The following WDPCP variants were observed in gnomAD, a reference collection of about 807,000 sequenced individuals.
The protein encoded by WDPCP is WD repeat containing planar cell polarity effector, also known as WD repeat-containing and planar cell polarity effector protein fritz homolog.
Under a neutral mutation model 93.1 loss-of-function variants are expected in WDPCP, and 71 were observed. That is an observed-to-expected ratio of 0.76 (90% CI 0.63 to 0.93). The LOEUF is 0.93. WDPCP is among the 40% of genes least tolerant of loss of function. The probability of loss-of-function intolerance (pLI) is 0.00; values close to 1 mark genes in which losing one functional copy is unlikely to be tolerated. For synonymous variants in WDPCP, 315 were observed against 315.0 expected (o/e 1.00, Z 0.00); for missense variants, 844 against 887.4 (o/e 0.95, Z 0.62).
chr2:63,218,693 C>T (rs988083523), intron 14 of WDPCP, among the ~76,000 whole-genome samples: 1 of 149,102 alleles, frequency 6.7e-6, no homozygotes, highest in African/African-American at 2.6e-5. Context: ...CTACGCCCAG[C>T]TAATTTTTGT....
chr2:63,545,323 A>ATG (rs566595637), intron 1 of WDPCP, among the ~76,000 whole-genome samples: 29 of 148,346 alleles, frequency 2.0e-4, no homozygotes, highest in East Asian at 4.0e-4. Flanking sequence ...ATGTGTGTGT[A>ATG]TGTGTGTGTG....
At chr2:63,250,974 G>C (rs1249868502) in intron 14 of WDPCP, among the ~76,000 whole-genome samples, 2 of 152,016 alleles carry the variant, frequency 1.3e-5, no homozygotes. Context: ...ATACAAAAAA[G>C]ATCTCTCCAA....
intron 2 of WDPCP, among the ~76,000 whole-genome samples, chr2:63,734,399 G>A (rs116675975): frequency 0.018 from 2,665 of 152,152 alleles, 32 homozygotes; most frequent in Middle Eastern, 0.044. Flanking sequence ...TGCATATAAT[G>A]TCTATATAAT....
intron 1 of WDPCP, among the ~76,000 whole-genome samples, chr2:63,559,668 T>C (rs1706438229): frequency 6.6e-6 from 1 of 152,132 alleles, no homozygotes; most frequent in South Asian, 2.1e-4. Context: ...GAACTCCCAT[T>C]CACAACTGCT....
At chr2:63,239,328 C>T (rs17432775) in intron 14 of WDPCP, among the ~76,000 whole-genome samples, 23,144 of 152,110 alleles carry the variant, frequency 0.15, 2,218 homozygotes, top group Non-Finnish European at 0.22. Flanking sequence ...ATTTCATTTT[C>T]TTTAAGCCTT....
At chr2:63,779,192 T>C (rs1670352291) in intron 2 of WDPCP, among the ~76,000 whole-genome samples, 2 of 152,212 alleles carry the variant, frequency 1.3e-5, no homozygotes, top group South Asian at 4.1e-4. Flanking sequence ...CAAAATACTT[T>C]TAGATAAATC....
intron 13 of WDPCP, among the ~76,000 whole-genome samples, chr2:63,287,818 A>G (rs1344543587): frequency 1.3e-5 from 2 of 152,296 alleles, no homozygotes; most frequent in African/African-American, 2.4e-5. Context: ...GAGAGTTCCA[A>G]TTGGGAGAAT....
At chr2:63,438,243 T>A (rs1023124745) in intron 7 of WDPCP, among the ~76,000 whole-genome samples, 1 of 152,070 alleles carries the variant, frequency 6.6e-6, no homozygotes, top group African/African-American at 2.4e-5. Context: ...TGAGAAATGT[T>A]TTGCATTGTT....
At chr2:63,462,338 C>T (rs147499931) in intron 6 of WDPCP, among the ~76,000 whole-genome samples, 126 of 151,996 alleles carry the variant, frequency 8.3e-4, no homozygotes, top group Non-Finnish European at 1.6e-3. Flanking sequence ...CATCACACAC[C>T]GGGGCCTGTC....
chr2:63,350,141 G>T (rs1032283308), intron 12 of WDPCP, among the ~76,000 whole-genome samples: 9 of 152,096 alleles, frequency 5.9e-5, no homozygotes, highest in African/African-American at 1.4e-4. Context: ...TCCTTTGCAG[G>T]GACATGGATG....
At chr2:63,238,084 A>G (rs1268198825) in intron 14 of WDPCP, among the ~76,000 whole-genome samples, 1 of 152,028 alleles carries the variant, frequency 6.6e-6, no homozygotes, top group Non-Finnish European at 1.5e-5. Context: ...GGCAGGTGGT[A>G]TATCATGTGA....
chr2:63,714,039 ATG>A (rs1321179616), intron 2 of WDPCP, among the ~76,000 whole-genome samples: 5 of 150,118 alleles, frequency 3.3e-5, no homozygotes, highest in Admixed American at 2.0e-4. Context: ...GCGAACAACT[ATG>A]TATCTTTTTT....
intron 1 of WDPCP, among the ~76,000 whole-genome samples, chr2:63,538,165 C>T (rs1704446926): frequency 6.6e-6 from 1 of 151,952 alleles, no homozygotes; most frequent in South Asian, 2.1e-4. Context: ...AAGAGTAACA[C>T]AATTCAAGCC....
At chr2:63,517,691 TG>T (rs779466620) in intron 1 of WDPCP, among the ~76,000 whole-genome samples, 205 of 152,274 alleles carry the variant, frequency 1.3e-3, no homozygotes, top group Non-Finnish European at 2.5e-3. Flanking sequence ...AATTTCTAGT[TG>T]TATTGCATTT....
chr2:63,550,312 T>C (rs958135389), intron 1 of WDPCP, among the ~76,000 whole-genome samples: 2 of 152,036 alleles, frequency 1.3e-5, no homozygotes, highest in African/African-American at 4.8e-5. Flanking sequence ...TTTCTTCATG[T>C]ATTCACAATC....
chr2:63,588,712 C>T (rs1709060890), upstream of WDPCP: 1 of 494,196 alleles, frequency 2.0e-6, no homozygotes, highest in South Asian at 2.2e-5. Context: ...GTCCTTTCCT[C>T]CTGAGCCCAA....
intron 1 of WDPCP, among the ~76,000 whole-genome samples, chr2:63,822,853 A>AAT (rs1307791975): frequency 1.2e-3 from 182 of 150,548 alleles, no homozygotes; most frequent in African/African-American, 3.8e-3. Context: ...CTTGTCTCTA[A>AAT]ATATATATAT....
At chr2:63,447,495 C>T (rs1456320886) in intron 6 of WDPCP, among the ~76,000 whole-genome samples, 2 of 151,988 alleles carry the variant, frequency 1.3e-5, no homozygotes, top group African/African-American at 4.8e-5. Context: ...TCTCAAAAGT[C>T]GGAATACTGA....
At chr2:63,319,633 C>T (rs540849967) in intron 12 of WDPCP, among the ~76,000 whole-genome samples, 54 of 152,152 alleles carry the variant, frequency 3.5e-4, no homozygotes, top group African/African-American at 1.2e-3. Flanking sequence ...GGCCCACTAC[C>T]GCGCCTGGCT....
Sources: allele counts gnomAD v4.1 joint callset (sites outside exome capture counted in the v4.1 genomes callset), GRCh38; gene constraint gnomAD v4.1.1; transcripts MANE v1.5; gene names NCBI Gene and HGNC (gene_info 2026-07-23, HGNC 2026-07-21).